MAGI1: variants seen among roughly 807,000 people sequenced by gnomAD.
The protein encoded by MAGI1 is membrane associated guanylate kinase, WW and PDZ domain containing 1.
MAGI1 carries 58 observed loss-of-function variants against 139.9 expected under a neutral mutation model. The observed-to-expected ratio is 0.41, with a 90% CI of 0.34 to 0.52. The LOEUF (loss-of-function observed/expected upper bound fraction) is 0.52. MAGI1 is among the 20% of genes least tolerant of loss of function. The pLI is 0.12. For missense variants in MAGI1, 1,874 were observed against 1,901.6 expected, an observed-to-expected ratio of 0.99 and a Z score of 0.27; for synonymous variants, 812 against 737.9, an observed-to-expected ratio of 1.10 and a Z score of -1.63.
chr3:65,832,192 C>G (rs1360935748), intron 1 of MAGI1, among the ~76,000 whole-genome samples: 1 of 152,272 alleles, frequency 6.6e-6, no homozygotes, highest in South Asian at 2.1e-4. Context: ...CAGTGCAGAT[C>G]CACTAGGCAC....
At chr3:65,531,014 T>C (rs140998262) in intron 2 of MAGI1, among the ~76,000 whole-genome samples, 1 of 151,754 alleles carries the variant, frequency 6.6e-6, no homozygotes, top group African/African-American at 2.4e-5. Flanking sequence ...GCTTTGAAGT[T>C]GCTATGAGAA....
At chr3:65,742,856 G>T (rs547057990) in intron 1 of MAGI1, among the ~76,000 whole-genome samples, 2 of 152,320 alleles carry the variant, frequency 1.3e-5, no homozygotes, top group South Asian at 4.1e-4. Flanking sequence ...TTAAGAAGAT[G>T]CTGTTAATTG....
intron 1 of MAGI1, among the ~76,000 whole-genome samples, chr3:66,001,329 G>C (rs535181711): frequency 7.2e-5 from 11 of 152,134 alleles, no homozygotes; most frequent in Middle Eastern, 3.4e-3. Flanking sequence ...ATTCAAAAAA[G>C]ATATATAATA....
At chr3:65,404,517 C>A (rs1025083743) in intron 12 of MAGI1, among the ~76,000 whole-genome samples, 1 of 152,052 alleles carries the variant, frequency 6.6e-6, no homozygotes, top group African/African-American at 2.4e-5. Flanking sequence ...AGGTTACGAC[C>A]ACAAATTAAT....
intron 17 of MAGI1, among the ~76,000 whole-genome samples, chr3:65,377,588 T>C (rs1159869748): frequency 2.0e-5 from 3 of 152,242 alleles, no homozygotes; most frequent in African/African-American, 7.2e-5. Context: ...ACAGGATGCA[T>C]GGAGACAGTC....
chr3:65,647,958 G>A lies in MAGI1; in HGVS notation c.314-25870C>T, dbSNP rs79573416. Among the ~76,000 whole-genome samples the A allele has an allele frequency of 8.0e-3, 1,216 of 152,214 alleles. 8 individuals are homozygous for A. Among genetic ancestry groups the A allele is most frequent in the Admixed American group, 0.013 (204 of 15,278 alleles). On this transcript the variant is annotated intron_variant, in intron 1 of 22. Coordinates refer to ENST00000402939, the MANE Select transcript of MAGI1 (RefSeq NM_001033057.2). Reference sequence around the variant, plus strand: ...CTGGCCAAAGTGTTGGCAAAAAAGAGCCAGAAAAGTAAATAAAAGGCATAT... The same window carrying A: ...CTGGCCAAAGTGTTGGCAAAAAAGAACCAGAAAAGTAAATAAAAGGCATAT...
At chr3:65,526,217 G>A (rs925892270) in intron 2 of MAGI1, among the ~76,000 whole-genome samples, 7 of 152,074 alleles carry the variant, frequency 4.6e-5, no homozygotes, top group Admixed American at 3.9e-4. Context: ...TTGATGTTCA[G>A]TTCACTGTGA....
rs577543039 is a variant in MAGI1 at position 65,840,340 on chromosome 3, G to A, written c.313+197656C>T. Among the ~76,000 whole-genome samples the A allele has an allele frequency of 9.2e-5, 14 of 152,192 alleles. No homozygotes were observed. The South Asian group carries it at 2.7e-3, about 29-fold the overall frequency. ...AACGGACATCTATGCTTTGTTCACT[G>A]CCTTAGGCAGAAGGCATTCGGTCTT... On this transcript the variant is annotated intron_variant, in intron 1 of 22. Coordinates refer to ENST00000402939, the MANE Select transcript of MAGI1 (RefSeq NM_001033057.2).
At chr3:65,914,152 A>G (rs1411045947) in intron 1 of MAGI1, 1 of 152,220 alleles carries the variant, frequency 6.6e-6, no homozygotes, top group African/African-American at 2.4e-5. Context: ...ATCAGCCTTC[A>G]AGAGATGCAC....
intron 2 of MAGI1, among the ~76,000 whole-genome samples, chr3:65,504,594 C>G (rs1443442030): frequency 1.3e-5 from 2 of 152,122 alleles, no homozygotes; most frequent in Non-Finnish European, 2.9e-5. Flanking sequence ...CGAGGTGCAG[C>G]TGAATTTCCA....
intron 1 of MAGI1, among the ~76,000 whole-genome samples, chr3:65,682,766 T>C (rs150624489): frequency 1.1e-3 from 171 of 152,222 alleles, no homozygotes; most frequent in African/African-American, 3.9e-3. Flanking sequence ...ACTTTCACTC[T>C]GTGAAAGCCC....
chr3:65,686,262 G>A (rs2088019425), intron 1 of MAGI1, among the ~76,000 whole-genome samples: 1 of 151,912 alleles, frequency 6.6e-6, no homozygotes, highest in African/African-American at 2.4e-5. Context: ...TCTCTCCTCT[G>A]GGCATTTTGG....
At position 65,548,509 on chromosome 3, in the gene MAGI1, C is replaced by CTTTTTTTTTT. The variant is rs1306099660; in HGVS notation, c.431-54879_431-54878insAAAAAAAAAA. 9.4e-5 allele frequency among the ~76,000 whole-genome samples: 11 copies of CTTTTTTTTTT among 117,402 alleles called. 2 individuals carry two copies. Among genetic ancestry groups the CTTTTTTTTTT allele is most frequent in the South Asian group, 3.1e-4 (1 of 3,268 alleles). 77.0% of individuals were successfully genotyped at this position (117,402 alleles called of 152,430 possible). On this transcript the variant is annotated intron_variant, in intron 2 of 22. Transcript: ENST00000402939. ...TGAGCCCAGCTTTATGCAAACAACA[C>CTTTTTTTTTT]TCTTTTTTTTTTTTTTTTTTTTTTT...
intron 5 of MAGI1, among the ~76,000 whole-genome samples, chr3:65,464,321 G>T (rs552575903): frequency 6.6e-6 from 1 of 152,000 alleles, no homozygotes; most frequent in South Asian, 2.1e-4. Flanking sequence ...CTTGCACTGG[G>T]AGTTTAGATT....
intron 2 of MAGI1, chr3:65,598,003 A>G (rs2082307089): frequency 2.3e-6 from 1 of 437,288 alleles, no homozygotes; most frequent in African/African-American, 2.0e-5. Flanking sequence ...CGGTTTTTCG[A>G]GGGAAGAGGT....
chr3:65,737,865 AAC>A (rs1452092094), intron 1 of MAGI1, among the ~76,000 whole-genome samples: 2 of 152,194 alleles, frequency 1.3e-5, no homozygotes, highest in South Asian at 4.2e-4. Context: ...TACCGAAAAC[AAC>A]ACACACACAC....
chr3:65,448,262 T>G (rs1948797531), intron 6 of MAGI1: 2 of 601,478 alleles, frequency 3.3e-6, no homozygotes, highest in Non-Finnish European at 5.9e-6. Context: ...GAGCTGATAT[T>G]GGCAAAATAA....
At chr3:65,571,770 T>G (rs1197824901) in intron 2 of MAGI1, among the ~76,000 whole-genome samples, 1 of 152,048 alleles carries the variant, frequency 6.6e-6, no homozygotes, top group Non-Finnish European at 1.5e-5. Flanking sequence ...GTCACTGGCC[T>G]CTGTGTTTGA....
chr3:65,814,543 G>A (rs1458545179), intron 1 of MAGI1, among the ~76,000 whole-genome samples: 1 of 152,124 alleles, frequency 6.6e-6, no homozygotes, highest in Admixed American at 6.5e-5. Flanking sequence ...GAGGATTCCA[G>A]TCTTTGAACT....
Sources: allele counts gnomAD v4.1 joint callset (sites outside exome capture counted in the v4.1 genomes callset), GRCh38; gene constraint gnomAD v4.1.1; transcripts MANE v1.5; gene names NCBI Gene and HGNC (gene_info 2026-07-23, HGNC 2026-07-21).